Variants in CPAMD8 observed in about 807,000 individuals in gnomAD.
CPAMD8 encodes C3 and PZP like alpha-2-macroglobulin domain containing 8.
A neutral mutation model predicts 224.7 loss-of-function variants in CPAMD8; 146 were observed. The ratio of observed to expected loss-of-function variants is 0.65; its 90% confidence interval spans 0.57 to 0.75. CPAMD8 has a LOEUF of 0.75. Among genes scored for constraint, CPAMD8 ranks in the 30% least tolerant of loss-of-function variants. The pLI is 0.00. For missense variants in CPAMD8, 2,301 were observed against 2,537.5 expected, an observed-to-expected ratio of 0.91 and a Z score of 2.00; for synonymous variants, 966 against 1,044.6, an observed-to-expected ratio of 0.92 and a Z score of 1.45.
Position 16,906,939 on chromosome 19 carries a change from C to G in CPAMD8, c.4027+13G>C, listed in dbSNP as rs772180084. 3.2e-6 allele frequency: 5 copies of G among 1,573,586 alleles called. No individual in the cohort carries two copies. Among genetic ancestry groups the G allele is most frequent in the Non-Finnish European group, 4.3e-6 (5 of 1,159,872 alleles). ...CGACGCTGTGGCCTCTGGGGAGGGC[C>G]AGGGACACCTACCTCGCATGATGGC... On this transcript the variant is annotated intron_variant, in intron 30 of 41. Transcript: ENST00000443236.
chr19:16,922,323 G>A (rs1011228763), intron 26 of CPAMD8, among the ~76,000 whole-genome samples: 9 of 151,644 alleles, frequency 5.9e-5, no homozygotes, highest in African/African-American at 2.2e-4. Flanking sequence ...ACCACATCTG[G>A]GGTTCTTGAA....
At chr19:16,925,413 A>G in intron 25 of CPAMD8, 41 bp from the exon 26 acceptor site, 2 of 1,494,764 alleles carry the variant, frequency 1.3e-6, no homozygotes, top group Non-Finnish European at 9.3e-7. Flanking sequence ...GGGCTGTCCC[A>G]GTTCAGTAGA....
chr19:16,904,081 C>T, intron 32 of CPAMD8, 145 bp downstream of exon 32: 1 of 1,022,698 alleles, frequency 9.8e-7, no homozygotes, highest in Non-Finnish European at 1.4e-6. Context: ...GGCATCTGTC[C>T]CTCACCCCCA....
intron 5 of CPAMD8, among the ~76,000 whole-genome samples, chr19:17,010,831 T>C (rs1450563079): frequency 6.6e-6 from 1 of 152,040 alleles, no homozygotes; most frequent in Non-Finnish European, 1.5e-5. Flanking sequence ...GAAACCAGCC[T>C]GGCCAACATG....
intron 13 of CPAMD8, among the ~76,000 whole-genome samples, chr19:16,985,145 T>C (rs1009544116): frequency 1.3e-5 from 2 of 152,214 alleles, no homozygotes; most frequent in Admixed American, 1.3e-4. Flanking sequence ...AGTGAAGCAC[T>C]ATCATGTTTG....
At chr19:17,011,815 C>T in intron 3 of CPAMD8, 58 bp from the exon 4 acceptor site, 1 of 1,570,102 alleles carries the variant, frequency 6.4e-7, no homozygotes, top group Non-Finnish European at 8.6e-7. Context: ...GGCCAAGATA[C>T]TGGGGAAGGA....
intron 23 of CPAMD8, among the ~76,000 whole-genome samples, chr19:16,931,143 C>T (rs1288313101): frequency 6.6e-6 from 1 of 152,228 alleles, no homozygotes; most frequent in Non-Finnish European, 1.5e-5. Context: ...TCCCCAGTAG[C>T]AAGGCTGAAC....
chr19:17,001,343 A>C lies in CPAMD8; in HGVS notation c.759-821T>G, dbSNP rs1360651758. Among the ~76,000 whole-genome samples the C allele has an allele frequency of 4.5e-4, 66 of 145,932 alleles. 1 individual carries two copies. The highest frequency in any genetic ancestry group is 1.6e-3 in the African/African-American group (63 of 39,066). ...CTGAAAAAAAAAAAAAAAAAAAAAAAACAAGGATCAACCCCTCTCGGGTCA... is the reference window on the plus strand; with the variant it reads ...CTGAAAAAAAAAAAAAAAAAAAAAACACAAGGATCAACCCCTCTCGGGTCA... On this transcript the variant is annotated intron_variant, in intron 9 of 41. Transcript: ENST00000443236.
intron 18 of CPAMD8, among the ~76,000 whole-genome samples, chr19:16,961,768 C>T (rs570559128): frequency 9.2e-5 from 14 of 152,322 alleles, no homozygotes; most frequent in African/African-American, 3.4e-4. Context: ...CCAGGAGGGG[C>T]CGACAAACAC....
chr19:17,007,341 AAAG>A (rs540199539), intron 7 of CPAMD8, among the ~76,000 whole-genome samples: 15 of 152,136 alleles, frequency 9.9e-5, no homozygotes, highest in African/African-American at 2.2e-4. Flanking sequence ...TTTTAAAAAA[AAAG>A]AAGAAGAAGA....
chr19:16,970,774 GT>G (rs766366611), intron 18 of CPAMD8, 116 bp downstream of exon 18: 24 of 956,392 alleles, frequency 2.5e-5, no homozygotes, highest in Admixed American at 5.4e-5. Context: ...AATTTCAGTT[GT>G]TTATAAGCCA....
intron 9 of CPAMD8, among the ~76,000 whole-genome samples, chr19:17,001,895 C>T (rs2056337068): frequency 6.7e-6 from 1 of 149,986 alleles, no homozygotes; most frequent in South Asian, 2.1e-4. Context: ...AAGGATGATG[C>T]TCTAGCGGGT....
chr19:16,902,333 G>A (rs2052292888), intron 35 of CPAMD8, among the ~76,000 whole-genome samples: 2 of 152,092 alleles, frequency 1.3e-5, no homozygotes, highest in African/African-American at 4.8e-5. Flanking sequence ...TGGCCAACAT[G>A]GTGAAACCCT....
At chr19:16,993,868 T>C (rs1352212258) in intron 11 of CPAMD8, among the ~76,000 whole-genome samples, 1 of 152,168 alleles carries the variant, frequency 6.6e-6, no homozygotes, top group African/African-American at 2.4e-5. Context: ...CCGGATGCAG[T>C]GGCTCACACC....
intron 36 of CPAMD8, among the ~76,000 whole-genome samples, chr19:16,900,320 C>G (rs7254010): frequency 0.26 from 39,432 of 151,920 alleles, 6,006 homozygotes; most frequent in Non-Finnish European, 0.34. Flanking sequence ...ACAGTGGGCC[C>G]GGTGCTGTGG....
At chr19:16,946,784 CGT>C (rs547360274) in intron 21 of CPAMD8, among the ~76,000 whole-genome samples, 59 of 149,692 alleles carry the variant, frequency 3.9e-4, no homozygotes, top group Non-Finnish European at 2.4e-4. Context: ...CACATGTGGG[CGT>C]GTGTGTGGAT....
chr19:16,949,220 G>T (rs2054223609), intron 20 of CPAMD8, among the ~76,000 whole-genome samples: 2 of 152,126 alleles, frequency 1.3e-5, no homozygotes, highest in South Asian at 4.2e-4. Flanking sequence ...AAGCTGGGGT[G>T]GTCCTTAAGC....
chr19:17,008,586 C>A, intron 6 of CPAMD8, 27 bp from the exon 7 acceptor site: 1 of 1,612,708 alleles, frequency 6.2e-7, no homozygotes, highest in Non-Finnish European at 8.5e-7. Context: ...GGGACAGACA[C>A]ACGGAGTGAA....
At chr19:16,925,474 C>A in intron 25 of CPAMD8, 102 bp from the exon 26 acceptor site, 1 of 940,842 alleles carries the variant, frequency 1.1e-6, no homozygotes, top group Non-Finnish European at 1.7e-6. Context: ...GTCATGCAGT[C>A]AGCCACCCAA....
Sources: gnomAD v4.1 joint callset for allele counts (sites outside exome capture counted in the v4.1 genomes callset) on GRCh38, gnomAD v4.1.1 for gene constraint, MANE v1.5 for transcripts, NCBI Gene and HGNC (gene_info 2026-07-23, HGNC 2026-07-21) for gene names.